COL1A2: variants seen among roughly 807,000 people sequenced by gnomAD.
COL1A2 encodes the protein collagen alpha-2(I) chain.
Under a neutral mutation model 174.3 loss-of-function variants are expected in COL1A2, and 49 were observed. The observed-to-expected ratio is 0.28, with a 90% CI of 0.22 to 0.36. COL1A2 has a LOEUF of 0.36. COL1A2 is among the 10% of genes least tolerant of loss of function. COL1A2 has a pLI of 1.00. For missense variants in COL1A2, 1,438 were observed against 1,822.7 expected (o/e 0.79, Z 3.84); for synonymous variants, 655 against 606.6 (o/e 1.08, Z -1.17).
At position 94,426,541 on chromosome 7, in the gene COL1A2, T is replaced by C. The variant is rs1792281036; in HGVS notation, c.3105+11T>C. The C allele has an allele frequency of 1.9e-6, 3 of 1,583,280 alleles. No individual in the cohort carries two copies. Among genetic ancestry groups the C allele is most frequent in the Non-Finnish European group, 2.6e-6 (3 of 1,162,134 alleles). On this transcript the variant is annotated intron_variant, in intron 46 of 51. Transcript: ENST00000297268. The stretch of plus-strand genomic sequence containing the variant: ...CTGCCTGGTATCGCTGTAAGTAAAC[T>C]GTAGCCATCTCGCACATAAACTGAT...
intron 1 of COL1A2, 188 bp downstream of exon 1, chr7:94,395,289 G>T: frequency 1.4e-6 from 1 of 717,792 alleles, no homozygotes; most frequent in Non-Finnish European, 2.6e-6. Flanking sequence ...AAACATAAAA[G>T]CCTTGCCAAA....
Position 94,412,617 on chromosome 7 carries a change from A to G in COL1A2, c.1438A>G (p.Ile480Val), listed in dbSNP as rs778238943. ...TGGCATCGACGGCAGGCCTGGCCCA[A>G]TTGGCCCAGCTGGAGCAAGAGGAGA... ...LPGIDGRPGP[I>V]GPAGARGEPG... The change falls in exon 25 of 52, where the codon ATT becomes GTT. Residue 480 changes from isoleucine (I) to valine (V), a missense_variant. By Grantham distance (29) the Ile-to-Val change is conservative. Around this residue, in one of 3 missense-constraint regions of COL1A2, gnomAD observed 867 missense variants for 1,213.7 expected, o/e 0.71. Coordinates refer to ENST00000297268, the MANE Select transcript of COL1A2 (RefSeq NM_000089.4). 9.9e-6 allele frequency: 16 copies of G among 1,614,114 alleles called. No homozygotes were observed. Among genetic ancestry groups the G allele is most frequent in the South Asian group, 2.2e-5 (2 of 91,076 alleles).
Position 94,404,423 on chromosome 7 carries a change from TCTTC to T in COL1A2, c.280-129_280-126del, listed in dbSNP as rs547976078. Reference sequence around the variant, plus strand: ...GTGCAGGAAGTTTGAGTCCTTAAATTCTTCCTTGGGAGGAATAAAAACTATGGAA... The same window carrying T: ...GTGCAGGAAGTTTGAGTCCTTAAATTCTTGGGAGGAATAAAAACTATGGAA... On this transcript the variant is annotated intron_variant, in intron 6 of 51. Coordinates refer to ENST00000297268, the MANE Select transcript of COL1A2 (RefSeq NM_000089.4). 1.1e-3 allele frequency: 1,053 copies of T among 939,092 alleles called. 1 individual carries two copies. Among genetic ancestry groups the T allele is most frequent in the Admixed American group, 2.0e-3 (105 of 51,972 alleles). 58.2% of individuals were successfully genotyped at this position (939,092 alleles called of 1,614,324 possible).
chr7:94,422,604 G>A (rs80109332), intron 39 of COL1A2: 20,799 of 213,732 alleles, frequency 0.097, 2,978 homozygotes, highest in East Asian at 0.35. Context: ...AAAAGAAAAG[G>A]CAAAGTCCTT....
chr7:94,426,928 C>G, intron 46 of COL1A2, 80 bp from the exon 47 acceptor site: 1 of 1,257,798 alleles, frequency 8.0e-7, no homozygotes, highest in Non-Finnish European at 1.1e-6. Flanking sequence ...TAAAGTTTCC[C>G]ATTCAATTTG....
chr7:94,423,208 G>T (rs1670175397), intron 40 of COL1A2, 90 bp downstream of exon 40: 4 of 1,464,352 alleles, frequency 2.7e-6, no homozygotes, highest in Non-Finnish European at 3.8e-6. Flanking sequence ...TCTATTTGTT[G>T]ATGAGTATTG....
At chr7:94,405,065 G>A (rs1477943318) in intron 9 of COL1A2, 134 bp from the exon 10 acceptor site, 6 of 1,120,196 alleles carry the variant, frequency 5.4e-6, no homozygotes, top group South Asian at 1.3e-5. Flanking sequence ...TTGTATTAAG[G>A]GAAAGATTAA....
At chr7:94,405,368 C>T (rs1353090550) in intron 10 of COL1A2, 116 bp downstream of exon 10, 12 of 995,734 alleles carry the variant, frequency 1.2e-5, no homozygotes, top group East Asian at 2.5e-5. Flanking sequence ...TAACATGAAT[C>T]GAAGGCATCT....
chr7:94,398,406 C>A lies in COL1A2; in HGVS notation c.96+10C>A. On this transcript the variant is annotated intron_variant, in intron 3 of 51. Coordinates refer to ENST00000297268, the MANE Select transcript of COL1A2 (RefSeq NM_000089.4). ...GGAAACTGTAAGAAAGGTAAGAGTA[C>A]ACTACTTCTCCATAAATATCTAAAA... The A allele has an allele frequency of 2.1e-6, 2 of 940,148 alleles. No homozygotes were observed. The highest frequency in any genetic ancestry group is 3.1e-6 in the Non-Finnish European group (2 of 638,540). 58.2% of individuals were successfully genotyped at this position (940,148 alleles called of 1,614,324 possible). A position where few individuals can be genotyped will look rare whatever the true frequency, so the allele number is the denominator to read the frequency against.
chr7:94,418,284 T>A (rs1364919927), intron 32 of COL1A2, among the ~76,000 whole-genome samples: 1 of 152,238 alleles, frequency 6.6e-6, no homozygotes, highest in Non-Finnish European at 1.5e-5. Context: ...AAAGATTGTT[T>A]AACAATAATC....
intron 26 of COL1A2, among the ~76,000 whole-genome samples, 153 bp downstream of exon 26, chr7:94,413,289 C>G (rs1282342607): frequency 1.3e-5 from 2 of 152,032 alleles, no homozygotes; most frequent in East Asian, 1.9e-4. Context: ...TTTTTAAAAA[C>G]CAAACTTATA....
At chr7:94,419,698 A>G in intron 34 of COL1A2, 147 bp downstream of exon 34, 1 of 880,418 alleles carries the variant, frequency 1.1e-6, no homozygotes, top group Non-Finnish European at 1.9e-6. Context: ...GCAGCAGGAA[A>G]CAAATGCTGT....
In COL1A2 at chr7:94,430,581, C is replaced by T; in HGVS notation, c.*188C>T. On this transcript the variant is annotated 3_prime_UTR_variant, in exon 52 of 52. Transcript: ENST00000297268. ...TTGTGCAATACAGTTTCATTAACTCCTTCCCCCGCTCCCCCAAAAATTTGA... is the reference window on the plus strand; with the variant it reads ...TTGTGCAATACAGTTTCATTAACTCTTTCCCCCGCTCCCCCAAAAATTTGA... The T allele has an allele frequency of 3.1e-6, 2 of 635,572 alleles. No homozygotes were observed. Among genetic ancestry groups the T allele is most frequent in the Non-Finnish European group, 2.6e-6 (1 of 378,126 alleles). The allele number at this position is 635,572 out of a possible 1,614,324, so 39.4% of individuals were successfully genotyped here.
Position 94,405,194 on chromosome 7 carries a change from T to C in COL1A2, c.433-5T>C. Reference sequence around the variant, plus strand: ...AAGTTGACTCTACAATGTTTTCATGTTTAGGGTCACCCTGGAAAACCCGGA... The same window carrying C: ...AAGTTGACTCTACAATGTTTTCATGCTTAGGGTCACCCTGGAAAACCCGGA... On this transcript the variant is annotated splice_region_variant and splice_polypyrimidine_tract_variant and intron_variant, in intron 9 of 51. Transcript: ENST00000297268. 1 of 1,613,876 alleles carries C rather than the reference T, an allele frequency of 6.2e-7. No homozygotes were observed. Among genetic ancestry groups the C allele is most frequent in the South Asian group, 1.1e-5 (1 of 91,034 alleles).
intron 33 of COL1A2, 66 bp downstream of exon 33, chr7:94,418,618 G>A: frequency 7.3e-7 from 1 of 1,371,410 alleles, no homozygotes; most frequent in South Asian, 1.2e-5. Context: ...GAATTGAGAA[G>A]TTTTCCAAAT....
chr7:94,409,428 G>A lies in COL1A2; in HGVS notation c.891+8G>A, dbSNP rs1234145357. The A allele has an allele frequency of 6.2e-6, 10 of 1,613,988 alleles. No homozygotes were observed. In the South Asian group the frequency reaches 1.1e-4, roughly 18 times the overall value. ...GGCCCCGTTGGACCTCCTGTAAGTA[G>A]CCACTGTCTTTAAACTTTATTGAGT... On this transcript the variant is annotated splice_region_variant and intron_variant, in intron 17 of 51. Transcript: ENST00000297268.
At position 94,409,383 on chromosome 7, in the gene COL1A2, T is replaced by A. The variant is rs1180459139; in HGVS notation, c.854T>A (p.Val285Glu). 6.2e-7 allele frequency: 1 copy of A among 1,614,184 alleles called. No individual in the cohort carries two copies. Among genetic ancestry groups the A allele is most frequent in the South Asian group, 1.1e-5 (1 of 91,078 alleles). Residue 285 changes from valine (V) to glutamate (E), a missense_variant, in exon 17 of 52, where the codon GTG becomes GAG. Physicochemically the swap from Val to Glu is moderately radical, Grantham distance 121 (BLOSUM62 -2). This residue lies in a region of COL1A2 where 867 missense variants were observed against 1,213.7 expected (regional missense o/e 0.71). Coordinates refer to ENST00000297268, the MANE Select transcript of COL1A2 (RefSeq NM_000089.4). ...PAGPAGPRGE[V>E]GLPGLSGPVG... ...GGTCCCGCCGGTCCCCGTGGTGAAG[T>A]GGGTCTTCCAGGCCTCTCCGGCCCC...
intron 51 of COL1A2, chr7:94,429,983 A>T: frequency 2.0e-6 from 1 of 510,000 alleles, no homozygotes; most frequent in Non-Finnish European, 3.5e-6. Context: ...GACTTTGTAG[A>T]GATAGGTCAC....
At chr7:94,402,296 C>T (rs1199860059) in intron 6 of COL1A2, among the ~76,000 whole-genome samples, 1 of 152,084 alleles carries the variant, frequency 6.6e-6, no homozygotes, top group Non-Finnish European at 1.5e-5. Context: ...GGGGAAATTA[C>T]AAGGAATATG....
Sources: gnomAD v4.1 joint callset for allele counts (sites outside exome capture counted in the v4.1 genomes callset) on GRCh38, gnomAD v4.1.1 for gene constraint, gnomAD v4.1.1 regional missense constraint, MANE v1.5 for transcripts, NCBI Gene and HGNC (gene_info 2026-07-23, HGNC 2026-07-21) for gene names.